Variants in TNIK observed in about 807,000 individuals in gnomAD.
The protein encoded by TNIK is TRAF2 and NCK interacting kinase.
Under a neutral mutation model 191.3 loss-of-function variants are expected in TNIK, and 49 were observed. The observed-to-expected ratio is 0.26, with a 90% confidence interval of 0.20 to 0.32. The LOEUF is 0.32. Ranked by LOEUF, TNIK falls within the 10% of genes least tolerant of loss-of-function variation. The pLI is 1.00. For missense variants in TNIK, 1,155 were observed against 1,702.3 expected (o/e 0.68, Z 5.66); for synonymous variants, 594 against 600.9 (o/e 0.99, Z 0.17).
intron 24 of TNIK, 52 bp from the exon 25 acceptor site, chr3:171,085,281 A>G: frequency 6.8e-7 from 1 of 1,474,678 alleles, no homozygotes; most frequent in Non-Finnish European, 9.2e-7. Flanking sequence ...TGCAGGAATA[A>G]CAATGCTAAC....
chr3:171,373,650 G>A (rs1716833493), intron 1 of TNIK, among the ~76,000 whole-genome samples: 2 of 152,166 alleles, frequency 1.3e-5, no homozygotes, highest in African/African-American at 4.8e-5. Flanking sequence ...GAAAGTCAAG[G>A]TCATGTCATT....
chr3:171,066,832 T>G, intron 30 of TNIK, 97 bp from the exon 31 acceptor site: 1 of 1,410,438 alleles, frequency 7.1e-7, no homozygotes, highest in South Asian at 1.5e-5. Flanking sequence ...TTTTGTTTAT[T>G]TTCATTGTCA....
At chr3:171,293,025 G>A (rs1371641812) in intron 2 of TNIK, among the ~76,000 whole-genome samples, 2 of 151,912 alleles carry the variant, frequency 1.3e-5, no homozygotes, top group Non-Finnish European at 2.9e-5. Context: ...TTTTTTCCAG[G>A]TGCCCACTGC....
chr3:171,359,706 T>C (rs962014109), intron 2 of TNIK, among the ~76,000 whole-genome samples: 1 of 152,190 alleles, frequency 6.6e-6, no homozygotes, highest in Admixed American at 6.5e-5. Flanking sequence ...CCAAGCAGAT[T>C]TAATGAAATT....
chr3:171,178,431 T>A (rs1230988899), intron 7 of TNIK, among the ~76,000 whole-genome samples: 1 of 56,144 alleles, frequency 1.8e-5, no homozygotes, highest in Non-Finnish European at 3.0e-5. Context: ...AGTAGACTAG[T>A]ATGTAACAAT....
chr3:171,313,437 G>C (rs1036936114), intron 2 of TNIK, among the ~76,000 whole-genome samples: 7 of 152,058 alleles, frequency 4.6e-5, no homozygotes, highest in African/African-American at 1.7e-4. Context: ...GTGGCAGAGA[G>C]GGCCCCAGAA....
chr3:171,274,389 G>A (rs1159378996), intron 2 of TNIK, among the ~76,000 whole-genome samples: 5 of 152,194 alleles, frequency 3.3e-5, no homozygotes, highest in Non-Finnish European at 5.9e-5. Context: ...CCGAGCCCAG[G>A]AAGGACTGGA....
intron 3 of TNIK, among the ~76,000 whole-genome samples, chr3:171,211,981 C>A (rs1260420168): frequency 6.6e-6 from 1 of 152,050 alleles, no homozygotes; most frequent in African/African-American, 2.4e-5. Flanking sequence ...GAGATGGTGA[C>A]CTCCCATAAT....
chr3:171,225,004 A>T (rs1319385144), intron 3 of TNIK, among the ~76,000 whole-genome samples: 3 of 152,214 alleles, frequency 2.0e-5, no homozygotes, highest in African/African-American at 7.2e-5. Context: ...CAATAATTTA[A>T]AAATTGATGT....
intron 2 of TNIK, among the ~76,000 whole-genome samples, chr3:171,313,614 A>AT (rs1224288925): frequency 3.3e-5 from 5 of 152,094 alleles, no homozygotes; most frequent in African/African-American, 1.2e-4. Context: ...TTCACTTATG[A>AT]TTTTTTTAAA....
At chr3:171,243,895 G>A (rs1745271575) in intron 2 of TNIK, among the ~76,000 whole-genome samples, 1 of 151,974 alleles carries the variant, frequency 6.6e-6, no homozygotes, top group Non-Finnish European at 1.5e-5. Flanking sequence ...AAGAAAAATC[G>A]TGAGAAAAGA....
At chr3:171,350,488 ATTC>A (rs1335785729) in intron 2 of TNIK, among the ~76,000 whole-genome samples, 1 of 151,394 alleles carries the variant, frequency 6.6e-6, no homozygotes, top group African/African-American at 2.4e-5. Context: ...TTTTCTGTTA[ATTC>A]TTCTCCCTGT....
intron 2 of TNIK, among the ~76,000 whole-genome samples, chr3:171,320,648 A>G (rs9829436): frequency 0.32 from 47,975 of 152,098 alleles, 7,670 homozygotes; most frequent in East Asian, 0.38. Context: ...ATGAGCATCT[A>G]TGGATTTTGA....
chr3:171,427,938 C>T (rs1016362186), intron 1 of TNIK, among the ~76,000 whole-genome samples: 8 of 152,086 alleles, frequency 5.3e-5, no homozygotes, highest in Admixed American at 4.6e-4. Flanking sequence ...CGTGAGAGGA[C>T]GCTGCAGTCT....
intron 7 of TNIK, among the ~76,000 whole-genome samples, chr3:171,184,427 G>T (rs1737109984): frequency 6.6e-6 from 1 of 152,162 alleles, no homozygotes; most frequent in Non-Finnish European, 1.5e-5. Context: ...CTTCCCCTGG[G>T]TATCAGCATG....
intron 11 of TNIK, among the ~76,000 whole-genome samples, chr3:171,157,952 C>T (rs754138878): frequency 2.0e-5 from 3 of 152,220 alleles, no homozygotes; most frequent in Non-Finnish European, 2.9e-5. Flanking sequence ...CCACACCACT[C>T]CCTCATCCTT....
In TNIK at chr3:171,203,402, T is replaced by C. The variant is rs559481337; in HGVS notation, c.306+7714A>G. Among the ~76,000 whole-genome samples the C allele has an allele frequency of 2.6e-3, 389 of 152,258 alleles. 2 individuals are homozygous for C. Among genetic ancestry groups the C allele is most frequent in the African/African-American group, 8.9e-3 (368 of 41,530 alleles). On this transcript the variant is annotated intron_variant, in intron 4 of 32. Transcript: ENST00000436636. ...TAATGTGAATACATGAAATTGAGTA[T>C]GTATGGAAGACAACAGGGGATGTTG...
At chr3:171,209,063 G>GT (rs1740462312) in intron 4 of TNIK, among the ~76,000 whole-genome samples, 3 of 129,230 alleles carry the variant, frequency 2.3e-5, no homozygotes, top group Admixed American at 8.1e-5. Flanking sequence ...GCTTTGGAAG[G>GT]GGTGTGTGTG....
chr3:171,156,793 A>G (rs1474013640), intron 12 of TNIK, among the ~76,000 whole-genome samples: 1 of 152,160 alleles, frequency 6.6e-6, no homozygotes, highest in Non-Finnish European at 1.5e-5. Flanking sequence ...CCTGGGTACT[A>G]AGGGATGTCT....
Sources: allele counts gnomAD v4.1 joint callset (sites outside exome capture counted in the v4.1 genomes callset), GRCh38; gene constraint gnomAD v4.1.1; transcripts MANE v1.5; gene names NCBI Gene and HGNC (gene_info 2026-07-23, HGNC 2026-07-21).